The following PRKAR1B variants were observed in gnomAD, a reference collection of about 807,000 sequenced individuals.
The protein encoded by PRKAR1B is protein kinase cAMP-dependent type I regulatory subunit beta, also known as cAMP-dependent protein kinase type I-beta regulatory subunit.
In PRKAR1B, 22 loss-of-function variants were observed where a neutral mutation model predicts 46.5. The observed-to-expected ratio is 0.47, with a 90% CI of 0.34 to 0.68. The LOEUF (loss-of-function observed/expected upper bound fraction) is 0.68, where lower values mean the gene tolerates loss of function less well. PRKAR1B is among the 30% of genes least tolerant of loss of function. The pLI is 0.01. For missense variants in PRKAR1B, 445 were observed against 535.6 expected (o/e 0.83, Z 1.67); for synonymous variants, 259 against 217.7 (o/e 1.19, Z -1.67).
intron 2 of PRKAR1B, among the ~76,000 whole-genome samples, chr7:704,497 C>T (rs996778697): frequency 4.6e-5 from 7 of 152,166 alleles, no homozygotes; most frequent in Non-Finnish European, 7.3e-5. Flanking sequence ...AAACTATGGC[C>T]GGGTGCGGTG....
chr7:613,475 C>T (rs1361075732), intron 4 of PRKAR1B, among the ~76,000 whole-genome samples: 1 of 152,180 alleles, frequency 6.6e-6, no homozygotes, highest in African/African-American at 2.4e-5. Context: ...TCCAAGCCCA[C>T]AACGTCTGAG....
chr7:673,818 A>C (rs1252380606), intron 4 of PRKAR1B, among the ~76,000 whole-genome samples: 2 of 152,210 alleles, frequency 1.3e-5, no homozygotes, highest in Admixed American at 6.5e-5. Flanking sequence ...CTGGGGCCAG[A>C]AGTCCAGATC....
chr7:552,419 CCCAAACCCCCACCTCCCACCCA>C, intron 9 of PRKAR1B, among the ~76,000 whole-genome samples: 2 of 124,974 alleles, frequency 1.6e-5, no homozygotes, highest in African/African-American at 6.2e-5. Context: ...CACGTCACCA[CCCAAACCCCCACCTCCCACCCA>C]GGTCCTTCCC....
chr7:690,591 A>G (rs1178882383), intron 2 of PRKAR1B, among the ~76,000 whole-genome samples: 1 of 152,172 alleles, frequency 6.6e-6, no homozygotes, highest in East Asian at 1.9e-4. Flanking sequence ...CACAACACAA[A>G]CAAATTGGAA....
At chr7:570,242 C>T (rs1779419629) in intron 9 of PRKAR1B, among the ~76,000 whole-genome samples, 2 of 152,216 alleles carry the variant, frequency 1.3e-5, no homozygotes, top group South Asian at 4.1e-4. Flanking sequence ...ACCGCAGGCT[C>T]GTGGCAGGGC....
chr7:632,478 T>C (rs1295548232), intron 4 of PRKAR1B, among the ~76,000 whole-genome samples: 1 of 152,196 alleles, frequency 6.6e-6, no homozygotes, highest in Admixed American at 6.5e-5. Context: ...GGACGGCCAC[T>C]GCGTCTGAAG....
chr7:550,648 G>GGCA lies in PRKAR1B; in HGVS notation c.974-47_974-46insTGC, dbSNP rs1025756115. ...TCAGGGCTGGGCCTGGGGGTCCTGAGGCTGCAGCAGGGAAAGATTATGTCC... is the reference window on the plus strand; with the variant it reads ...TCAGGGCTGGGCCTGGGGGTCCTGAGGCAGCTGCAGCAGGGAAAGATTATGTCC... On this transcript the variant is annotated intron_variant, in intron 10 of 10. Coordinates refer to ENST00000537384, the MANE Select transcript of PRKAR1B (RefSeq NM_001164760.2). 3.4e-6 allele frequency: 5 copies of GGCA among 1,453,050 alleles called. No individual in the cohort carries two copies. The African/African-American group carries it at 7.5e-5, about 22-fold the overall frequency. 90.0% of individuals were successfully genotyped at this position (1,453,050 alleles called of 1,614,324 possible).
chr7:713,158 C>T (rs1273841533), intron 1 of PRKAR1B: 1 of 152,808 alleles, frequency 6.5e-6, no homozygotes, highest in Non-Finnish European at 1.5e-5. Flanking sequence ...ACCTCATCCT[C>T]CTACCGCACA....
At chr7:657,557 C>T (rs182951665) in intron 4 of PRKAR1B, among the ~76,000 whole-genome samples, 95 of 152,248 alleles carry the variant, frequency 6.2e-4, no homozygotes, top group African/African-American at 2.2e-3. Context: ...AAATACAAAG[C>T]TATGGGGGTG....
intron 4 of PRKAR1B, among the ~76,000 whole-genome samples, chr7:611,576 T>C (rs532204317): frequency 1.3e-5 from 2 of 152,324 alleles, no homozygotes; most frequent in East Asian, 3.9e-4. Flanking sequence ...TGCTTCTCAC[T>C]CCACGGATGG....
At chr7:642,382 C>G (rs1216839101) in intron 4 of PRKAR1B, among the ~76,000 whole-genome samples, 1 of 152,166 alleles carries the variant, frequency 6.6e-6, no homozygotes, top group Non-Finnish European at 1.5e-5. Flanking sequence ...AGGCTACTTA[C>G]AGTGGGTGAA....
At chr7:682,367 G>A (rs904386750) in intron 2 of PRKAR1B, among the ~76,000 whole-genome samples, 18 of 152,038 alleles carry the variant, frequency 1.2e-4, no homozygotes, top group Non-Finnish European at 1.8e-4. Context: ...GGTGGCTCAC[G>A]CCTATAATCC....
intron 4 of PRKAR1B, among the ~76,000 whole-genome samples, chr7:634,837 ACC>A (rs1783957008): frequency 6.6e-6 from 1 of 151,806 alleles, no homozygotes; most frequent in African/African-American, 2.4e-5. Context: ...TCGGGGTTTC[ACC>A]ACGTTGGCCA....
At chr7:639,775 G>A (rs1784292436) in intron 4 of PRKAR1B, among the ~76,000 whole-genome samples, 2 of 151,334 alleles carry the variant, frequency 1.3e-5, no homozygotes. Context: ...AACTGCTCGA[G>A]CCCAGGAATT....
At chr7:619,092 T>C in intron 4 of PRKAR1B, among the ~76,000 whole-genome samples, 1 of 152,198 alleles carries the variant, frequency 6.6e-6, no homozygotes, top group East Asian at 1.9e-4. Flanking sequence ...GGGTTGGCCC[T>C]AACTCAATAT....
intron 2 of PRKAR1B, among the ~76,000 whole-genome samples, chr7:685,288 ATG>A (rs67261676): frequency 0.092 from 950 of 10,382 alleles, 152 homozygotes; most frequent in African/African-American, 0.24. Flanking sequence ...ACGTATATAT[ATG>A]TATACATATA....
chr7:675,236 T>C (rs1420166314), intron 4 of PRKAR1B, among the ~76,000 whole-genome samples: 1 of 152,238 alleles, frequency 6.6e-6, no homozygotes, highest in Non-Finnish European at 1.5e-5. Flanking sequence ...TGTACTTATA[T>C]GGAAGGACTT....
chr7:698,434 G>A (rs1211715112), intron 2 of PRKAR1B, among the ~76,000 whole-genome samples: 2 of 152,078 alleles, frequency 1.3e-5, no homozygotes. Flanking sequence ...GTGTGCATGT[G>A]TGTCTAGGTA....
Position 691,457 on chromosome 7 carries a change from C to A in PRKAR1B, c.178-10731G>T. On this transcript the variant is annotated intron_variant, in intron 2 of 10. Transcript: ENST00000537384. ...TGATGGAGAGGGAGTGCCTCCACTC[C>A]CACGGATGAAGATGCAGGCAGGGCC... 3.9e-6 allele frequency: 5 copies of A among 1,296,836 alleles called. No individual in the cohort carries two copies. In the South Asian group the frequency reaches 6.2e-5, roughly 16 times the overall value. 80.3% of individuals were successfully genotyped at this position (1,296,836 alleles called of 1,614,324 possible).
Sources: gnomAD v4.1 joint callset for allele counts (sites outside exome capture counted in the v4.1 genomes callset) on GRCh38, gnomAD v4.1.1 for gene constraint, MANE v1.5 for transcripts, NCBI Gene and HGNC (gene_info 2026-07-23, HGNC 2026-07-21) for gene names.